The following FANCC variants were observed in gnomAD, a reference collection of about 807,000 sequenced individuals.
FANCC encodes the protein FA complementation group C, also known as Fanconi anemia group C protein.
Under a neutral mutation model 71.3 loss-of-function variants are expected in FANCC, and 55 were observed. The ratio of observed to expected loss-of-function variants is 0.77; its 90% CI spans 0.62 to 0.97. The LOEUF (loss-of-function observed/expected upper bound fraction) is 0.97. Ranked by LOEUF, FANCC falls within the 50% of genes least tolerant of loss-of-function variation. FANCC has a pLI of 0.00. For synonymous variants in FANCC, 275 were observed against 244.9 expected, an observed-to-expected ratio of 1.12 and a Z score of -1.15; for missense variants, 678 against 670.9, an observed-to-expected ratio of 1.01 and a Z score of -0.12.
intron 8 of FANCC, among the ~76,000 whole-genome samples, chr9:95,127,639 G>C (rs980862890): frequency 6.6e-6 from 1 of 152,220 alleles, no homozygotes; most frequent in African/African-American, 2.4e-5. Flanking sequence ...TAGTGGATCA[G>C]GCGCTATTGG....
At chr9:95,151,934 A>C (rs1046183490) in intron 6 of FANCC, among the ~76,000 whole-genome samples, 75 of 152,076 alleles carry the variant, frequency 4.9e-4, no homozygotes, top group South Asian at 8.3e-4. Context: ...TCTCAAAAAA[A>C]AAAAAACAAA....
intron 1 of FANCC, among the ~76,000 whole-genome samples, chr9:95,299,793 C>T (rs1047949795): frequency 6.6e-6 from 1 of 152,070 alleles, no homozygotes; most frequent in Non-Finnish European, 1.5e-5. Context: ...CCTGGGAGGT[C>T]GAGGCCATAG....
intron 6 of FANCC, among the ~76,000 whole-genome samples, chr9:95,169,254 G>C (rs1283827084): frequency 6.6e-6 from 1 of 152,144 alleles, no homozygotes; most frequent in Non-Finnish European, 1.5e-5. Context: ...TTTTGTCGTT[G>C]CATCTCACAT....
intron 1 of FANCC, among the ~76,000 whole-genome samples, chr9:95,263,378 T>C (rs1005628055): frequency 5.3e-5 from 8 of 152,046 alleles, no homozygotes; most frequent in Non-Finnish European, 1.2e-4. Context: ...GGGTGAATCT[T>C]GATTCACACA....
intron 4 of FANCC, among the ~76,000 whole-genome samples, chr9:95,212,542 G>A (rs912277184): frequency 3.3e-5 from 5 of 152,060 alleles, no homozygotes; most frequent in Admixed American, 3.3e-4. Flanking sequence ...CTCTTTCCGA[G>A]AAACCAAAGC....
chr9:95,123,854 C>A, intron 10 of FANCC: 1 of 613,676 alleles, frequency 1.6e-6, no homozygotes, highest in Non-Finnish European at 3.1e-6. Context: ...ACAACCCCCA[C>A]CAAAGCCCAC....
chr9:95,114,481 C>T, intron 12 of FANCC, 148 bp downstream of exon 12: 1 of 787,418 alleles, frequency 1.3e-6, no homozygotes, highest in East Asian at 2.5e-5. Flanking sequence ...TGCGCTTCCT[C>T]CACTTCTCAC....
intron 4 of FANCC, among the ~76,000 whole-genome samples, chr9:95,201,230 C>T (rs945188801): frequency 6.6e-6 from 1 of 151,580 alleles, no homozygotes; most frequent in African/African-American, 2.4e-5. Flanking sequence ...TTGCACAAAT[C>T]AAGAGGGAAA....
At chr9:95,142,770 C>A (rs1384513688) in intron 7 of FANCC, among the ~76,000 whole-genome samples, 1 of 152,200 alleles carries the variant, frequency 6.6e-6, no homozygotes, top group African/African-American at 2.4e-5. Flanking sequence ...CCCCGAGCTG[C>A]GAGTGTTAGA....
chr9:95,101,807 A>G lies in FANCC; in HGVS notation c.1577T>C (p.Leu526Pro). The stretch of plus-strand genomic sequence containing the variant: ...ATTCCATCTGTACAAGGTCTGGTCA[A>G]GAAAGCCAATGATCTCGTGAGTTAT... ...AEITHEIIGFLDQTLYRWNRL... is the reference protein window; with the variant it reads ...AEITHEIIGFPDQTLYRWNRL... Residue 526 changes from leucine to proline, a missense_variant, in exon 15 of 15, where the codon CTT becomes CCT. Coordinates refer to ENST00000289081, the MANE Select transcript of FANCC (RefSeq NM_000136.3). 6.2e-7 allele frequency: 1 copy of G among 1,614,136 alleles called. No homozygotes were observed. Among genetic ancestry groups the G allele is most frequent in the Non-Finnish European group, 8.5e-7 (1 of 1,180,028 alleles).
intron 1 of FANCC, among the ~76,000 whole-genome samples, chr9:95,289,698 T>C (rs576809444): frequency 2.0e-5 from 3 of 152,346 alleles, no homozygotes; most frequent in Admixed American, 2.0e-4. Context: ...TCACCCAGGC[T>C]GGAGTACAGT....
chr9:95,137,173 T>C (rs1448174992), intron 7 of FANCC, among the ~76,000 whole-genome samples: 1 of 152,162 alleles, frequency 6.6e-6, no homozygotes, highest in African/African-American at 2.4e-5. Flanking sequence ...GGGCCACTTC[T>C]CTGCAGAGCT....
chr9:95,194,806 C>T (rs921687692), intron 4 of FANCC, among the ~76,000 whole-genome samples: 1 of 152,134 alleles, frequency 6.6e-6, no homozygotes, highest in African/African-American at 2.4e-5. Flanking sequence ...TTGTCCTTCA[C>T]GTGGGCTTTC....
chr9:95,150,182 T>C, intron 6 of FANCC, 95 bp from the exon 7 acceptor site: 1 of 1,300,512 alleles, frequency 7.7e-7, no homozygotes. Flanking sequence ...CAAAGACAGA[T>C]CACCTGTTTT....
At chr9:95,110,337 A>G (rs1399820783) in intron 13 of FANCC, 1 of 1,017,620 alleles carries the variant, frequency 9.8e-7, no homozygotes, top group East Asian at 6.7e-5. Flanking sequence ...CTTATTCAGA[A>G]TCAAATAAGA....
chr9:95,160,797 G>C (rs908268897), intron 6 of FANCC, among the ~76,000 whole-genome samples: 4 of 152,054 alleles, frequency 2.6e-5, no homozygotes, highest in Non-Finnish European at 1.5e-5. Flanking sequence ...GCAATTGTGA[G>C]TGGGAGTTCA....
At chr9:95,113,343 AATAAG>A (rs1196064056) in intron 12 of FANCC, among the ~76,000 whole-genome samples, 2 of 152,234 alleles carry the variant, frequency 1.3e-5, no homozygotes, top group Non-Finnish European at 2.9e-5. Flanking sequence ...AAAAGGAACA[AATAAG>A]ATAGTCTTAG....
rs542177333 is a variant in FANCC at position 95,251,174 on chromosome 9, A to G, written c.-78-1805T>C. On this transcript the variant is annotated intron_variant, in intron 1 of 14. Coordinates refer to ENST00000289081, the MANE Select transcript of FANCC (RefSeq NM_000136.3). Reference sequence around the variant, plus strand: ...TGGTGTGTAAATTCCCTGTCTTCCTAGAATGCAGCATATGCCTGGCAAACA... The same window carrying G: ...TGGTGTGTAAATTCCCTGTCTTCCTGGAATGCAGCATATGCCTGGCAAACA... Among the ~76,000 whole-genome samples, 122 of 152,318 alleles carry G rather than the reference A, an allele frequency of 8.0e-4. 2 individuals are homozygous for G. The South Asian group carries it at 0.024, about 30-fold the overall frequency.
At chr9:95,112,013 G>A (rs1237978579) in intron 12 of FANCC, among the ~76,000 whole-genome samples, 1 of 152,244 alleles carries the variant, frequency 6.6e-6, no homozygotes, top group Admixed American at 6.5e-5. Flanking sequence ...GTGGAGGGTA[G>A]GACGCAGGCA....
Sources: gnomAD v4.1 joint callset for allele counts (sites outside exome capture counted in the v4.1 genomes callset) on GRCh38, gnomAD v4.1.1 for gene constraint, MANE v1.5 for transcripts, NCBI Gene and HGNC (gene_info 2026-07-23, HGNC 2026-07-21) for gene names.